ST3GAL4: variants seen among roughly 807,000 people sequenced by gnomAD.
ST3GAL4 encodes the protein CMP-N-acetylneuraminate-beta-galactosamide-alpha-2,3-sialyltransferase 4.
In ST3GAL4, 24 loss-of-function variants were observed where a neutral mutation model predicts 42.6. The ratio of observed to expected loss-of-function variants is 0.56; its 90% CI spans 0.41 to 0.79. The LOEUF is 0.79. Ranked by LOEUF, ST3GAL4 falls within the 30% of genes least tolerant of loss-of-function variation. The probability of loss-of-function intolerance (pLI) is 0.00; values close to 1 mark genes in which losing one functional copy is unlikely to be tolerated. For missense variants in ST3GAL4, 311 were observed against 430.8 expected (o/e 0.72, Z 2.46); for synonymous variants, 135 against 163.2 (o/e 0.83, Z 1.32).
chr11:126,356,574 A>C (rs972059989), intron 1 of ST3GAL4, among the ~76,000 whole-genome samples: 10 of 152,204 alleles, frequency 6.6e-5, no homozygotes, highest in Non-Finnish European at 1.3e-4. Context: ...GGGCAGCTTG[A>C]GGCCTGACCT....
chr11:126,360,582 C>A (rs896443616), intron 1 of ST3GAL4, among the ~76,000 whole-genome samples: 1 of 152,138 alleles, frequency 6.6e-6, no homozygotes, highest in East Asian at 1.9e-4. Flanking sequence ...CGCCACCACG[C>A]CTGGCTAATT....
chr11:126,408,801 A>T, intron 8 of ST3GAL4: 1 of 465,496 alleles, frequency 2.1e-6, no homozygotes, highest in Non-Finnish European at 3.9e-6. Context: ...GGAACTCGGG[A>T]GCTGAGCAAC....
intron 1 of ST3GAL4, among the ~76,000 whole-genome samples, chr11:126,364,524 G>A (rs886883726): frequency 2.8e-5 from 4 of 143,372 alleles, no homozygotes; most frequent in East Asian, 4.4e-4. Context: ...AGGAGGGGCC[G>A]TGGGACCTGT....
At position 126,407,281 on chromosome 11, in the gene ST3GAL4, G is replaced by A. The variant is rs963886260; in HGVS notation, c.212G>A (p.Arg71Gln). 13 of 1,614,032 alleles carry A rather than the reference G, an allele frequency of 8.1e-6. No individual in the cohort carries two copies. Among genetic ancestry groups the A allele is most frequent in the South Asian group, 4.4e-5 (4 of 91,094 alleles). ...NYSRDQPIFL[R>Q]LEDYFWVKTP... ...TCCCGGGATCAGCCCATCTTCCTGC[G>A]GCTTGAGGATTATTTCTGGGTCAAG... The change falls in exon 5 of 11, where the codon CGG (arginine) becomes CAG (glutamine). Residue 71 changes from arginine (R) to glutamine (Q), a missense_variant. Arg to Gln is a conservative substitution (Grantham distance 43). Coordinates refer to ENST00000444328, the MANE Select transcript of ST3GAL4 (RefSeq NM_001254757.2).
At chr11:126,388,534 G>T (rs147997889) in intron 1 of ST3GAL4, among the ~76,000 whole-genome samples, 161 of 151,512 alleles carry the variant, frequency 1.1e-3, no homozygotes, top group African/African-American at 3.8e-3. Flanking sequence ...GTTTTACCAT[G>T]TTGGCCAGGC....
Position 126,407,027 on chromosome 11 carries a change from A to G in ST3GAL4, c.182+4A>G. The G allele has an allele frequency of 6.2e-7, 1 of 1,613,578 alleles. No homozygotes were observed. On this transcript the variant is annotated splice_donor_region_variant and intron_variant, in intron 4 of 10. Transcript: ENST00000444328. ...AGGCCTCTAAGCTCTTTGGCAAGTA[A>G]GTACTTAAGGATGAGGAGGGTAGAG...
chr11:126,403,390 G>A (rs1954094005), intron 1 of ST3GAL4: 3 of 985,088 alleles, frequency 3.0e-6, no homozygotes, highest in Non-Finnish European at 3.6e-6. Flanking sequence ...CTGGAAGGCA[G>A]CCCTGGAGGA....
Position 126,384,567 on chromosome 11 carries a change from G to A in ST3GAL4, c.-60-21529G>A, listed in dbSNP as rs1953141480. 6.6e-6 allele frequency among the ~76,000 whole-genome samples: 1 copy of A among 152,132 alleles called. No individual in the cohort carries two copies. The highest frequency in any genetic ancestry group is 1.5e-5 in the Non-Finnish European group (1 of 68,012). ...GAGGCTGGTGTCTGGTCAGGCTGAG[G>A]GATCCGTGTGCCAGCCCTTCTGGGA... On this transcript the variant is annotated intron_variant, in intron 1 of 10. Transcript: ENST00000444328. This position sits in a 1 kb window ranked among gnomAD's most constrained non-coding sequence, Gnocchi z 5.5.
At chr11:126,404,601 C>A (rs891396191) in intron 1 of ST3GAL4, among the ~76,000 whole-genome samples, 2 of 152,206 alleles carry the variant, frequency 1.3e-5, no homozygotes, top group African/African-American at 4.8e-5. Context: ...AGGTAAGGCA[C>A]GCCCCTTTCA....
rs1565429421 is a variant in ST3GAL4, at chr11:126,411,437, C to T, written c.771+2026C>T. On this transcript the variant is annotated intron_variant, in intron 9 of 10. Coordinates refer to ENST00000444328, the MANE Select transcript of ST3GAL4 (RefSeq NM_001254757.2). This position sits in a 1 kb window ranked among gnomAD's most constrained non-coding sequence, Gnocchi z 6.3. ...ACAGGTGTGAGCCACTGCGCCTGGC[C>T]TGTATTAGCTTTCTGTTGCTCCCTA... is the stretch of plus-strand genomic sequence containing the variant. Among the ~76,000 whole-genome samples the T allele has an allele frequency of 1.3e-5, 2 of 152,298 alleles. No individual in the cohort carries two copies. Among genetic ancestry groups the T allele is most frequent in the South Asian group, 4.1e-4 (2 of 4,824 alleles).
In ST3GAL4 at chr11:126,386,265, C is replaced by G. The variant is rs1184606568; in HGVS notation, c.-60-19831C>G. ...ATTGCCCCGTCATCTCCACCATTTC[C>G]TGTTTGCCGTGTGTCTGTGCCCCCC... On this transcript the variant is annotated intron_variant, in intron 1 of 10. Coordinates refer to ENST00000444328, the MANE Select transcript of ST3GAL4 (RefSeq NM_001254757.2). This position sits in a 1 kb window ranked among gnomAD's most constrained non-coding sequence, Gnocchi z 4.7. 6.6e-6 allele frequency among the ~76,000 whole-genome samples: 1 copy of G among 152,176 alleles called. No homozygotes were observed. Among genetic ancestry groups the G allele is most frequent in the East Asian group, 1.9e-4 (1 of 5,180 alleles).
intron 1 of ST3GAL4, among the ~76,000 whole-genome samples, chr11:126,389,851 T>G (rs1334380986): frequency 6.6e-6 from 1 of 151,984 alleles, no homozygotes; most frequent in African/African-American, 2.4e-5. Flanking sequence ...CCTCCCAAAG[T>G]GCTGGGATTA....
intron 1 of ST3GAL4, among the ~76,000 whole-genome samples, chr11:126,390,618 C>CTTTTTTTTTTTT (rs58153137): frequency 1.7e-3 from 215 of 126,534 alleles, no homozygotes; most frequent in East Asian, 6.6e-3. Flanking sequence ...GTGTTCTTTG[C>CTTTTTTTTTTTT]TTTTTTTTTT....
chr11:126,379,044 G>C lies in ST3GAL4; in HGVS notation c.-61+23202G>C, dbSNP rs1218468142. ...TGTAGGCCATCCCTTTGCCTCTGTT[G>C]CTTCTTCCAAGAGCTACACTGGTTG... On this transcript the variant is annotated intron_variant, in intron 1 of 10. Coordinates refer to ENST00000444328, the MANE Select transcript of ST3GAL4 (RefSeq NM_001254757.2). This position sits in a 1 kb window ranked among gnomAD's most constrained non-coding sequence, Gnocchi z 4.2. 1.3e-5 allele frequency among the ~76,000 whole-genome samples: 2 copies of C among 152,200 alleles called. No homozygotes were observed. The highest frequency in any genetic ancestry group is 2.9e-5 in the Non-Finnish European group (2 of 68,044).
Position 126,398,697 on chromosome 11 carries a change from C to T in ST3GAL4, c.-60-7399C>T, listed in dbSNP as rs1469661215. Among the ~76,000 whole-genome samples, 12 of 152,336 alleles carry T rather than the reference C, an allele frequency of 7.9e-5. No individual in the cohort carries two copies. The South Asian group carries it at 2.1e-3, about 26-fold the overall frequency. Reference sequence around the variant, plus strand: ...TCTCTGCCTGGGTCCCGAGTCTGTCCGCAATATCCTTTGAAATCTAGTTGG... The same window carrying T: ...TCTCTGCCTGGGTCCCGAGTCTGTCTGCAATATCCTTTGAAATCTAGTTGG... On this transcript the variant is annotated intron_variant, in intron 1 of 10. Transcript: ENST00000444328. The surrounding 1 kb of genome is among the most constrained non-coding windows in gnomAD (Gnocchi z 4.7).
chr11:126,403,400 A>T (rs1161293865), intron 1 of ST3GAL4: 1 of 985,306 alleles, frequency 1.0e-6, no homozygotes, highest in Non-Finnish European at 1.2e-6. Flanking sequence ...GCCCTGGAGG[A>T]TACCTGTGTA....
rs147051433 is a variant in ST3GAL4 at position 126,391,936 on chromosome 11, C to CATGTGT, written c.-60-14160_-60-14159insATGTGT. ...CTCAGAACACCTGTGATAACTTGGT[C>CATGTGT]GTGTGTGTGTGTGTGTGTGTGTGTG... On this transcript the variant is annotated intron_variant, in intron 1 of 10. Coordinates refer to ENST00000444328, the MANE Select transcript of ST3GAL4 (RefSeq NM_001254757.2). This position sits in a 1 kb window ranked among gnomAD's most constrained non-coding sequence, Gnocchi z 5.5. Among the ~76,000 whole-genome samples, 119 of 144,446 alleles carry CATGTGT rather than the reference C, an allele frequency of 8.2e-4. 1 individual carries two copies. Among genetic ancestry groups the CATGTGT allele is most frequent in the East Asian group, 4.8e-3 (24 of 4,984 alleles). The allele number at this position is 144,446 out of a possible 152,430, so 94.8% of individuals were successfully genotyped here.
rs966505017 is a variant in ST3GAL4, at chr11:126,378,487, C to A, written c.-61+22645C>A. On this transcript the variant is annotated intron_variant, in intron 1 of 10. Transcript: ENST00000444328. This position sits in a 1 kb window ranked among gnomAD's most constrained non-coding sequence, Gnocchi z 5.3. ...TCAGTGGTGCAATCTTGGCTCACTG[C>A]AACCTCTGCTTCCCGGGTTCATGCG... Among the ~76,000 whole-genome samples, 3 of 152,184 alleles carry A rather than the reference C, an allele frequency of 2.0e-5. 1 individual carries two copies. The highest frequency in any genetic ancestry group is 4.4e-5 in the Non-Finnish European group (3 of 68,032).
At position 126,406,376 on chromosome 11, in the gene ST3GAL4, G is replaced by A. The variant is rs981624352; in HGVS notation, c.17-97G>A. ...GCCAGAGACTGCTTCTGTTGAGTTA[G>A]GGGTCGGAGGGACTCAGAAGGGGGC... On this transcript the variant is annotated intron_variant, in intron 2 of 10. Coordinates refer to ENST00000444328, the MANE Select transcript of ST3GAL4 (RefSeq NM_001254757.2). This position sits in a 1 kb window ranked among gnomAD's most constrained non-coding sequence, Gnocchi z 5.4. 1.3e-6 allele frequency: 2 copies of A among 1,592,150 alleles called. No individual in the cohort carries two copies. The highest frequency in any genetic ancestry group is 1.3e-5 in the African/African-American group (1 of 74,558).
Sources: gnomAD v4.1 joint callset for allele counts (sites outside exome capture counted in the v4.1 genomes callset) on GRCh38, gnomAD v4.1.1 for gene constraint, Gnocchi (gnomAD v3.1) non-coding constraint, MANE v1.5 for transcripts, NCBI Gene and HGNC (gene_info 2026-07-23, HGNC 2026-07-21) for gene names.